Variants in RABGAP1 observed in about 807,000 individuals in gnomAD.
The protein encoded by RABGAP1 is rab GTPase-activating protein 1.
A neutral mutation model predicts 137.6 loss-of-function variants in RABGAP1; 23 were observed. That is an observed-to-expected ratio of 0.17 (90% CI 0.12 to 0.24). The LOEUF is 0.24. Ranked by LOEUF, RABGAP1 falls within the 10% of genes least tolerant of loss-of-function variation. RABGAP1 has a pLI of 1.00. For missense variants in RABGAP1, 906 were observed against 1,275.8 expected (o/e 0.71, Z 4.42); for synonymous variants, 451 against 450.7 (o/e 1.00, Z -0.01).
chr9:123,004,882 C>A (rs1416026081), intron 10 of RABGAP1, among the ~76,000 whole-genome samples: 2 of 151,558 alleles, frequency 1.3e-5, no homozygotes, highest in Non-Finnish European at 2.9e-5. Flanking sequence ...CATGGCGAAA[C>A]CCTGTCTCTA....
intron 13 of RABGAP1, among the ~76,000 whole-genome samples, chr9:123,047,125 G>A (rs2033239993): frequency 6.6e-6 from 1 of 152,176 alleles, no homozygotes; most frequent in African/African-American, 2.4e-5. Flanking sequence ...TTCAGAGTTT[G>A]GTTTGTGTTA....
chr9:123,051,216 GTTTTTTTTTTTTTT>G (rs552457119), intron 13 of RABGAP1, among the ~76,000 whole-genome samples: 420 of 34,276 alleles, frequency 0.012, 85 homozygotes, highest in East Asian at 0.046. Context: ...ATTCACCTTG[GTTTTTTTTTTTTTT>G]TTTTTTTTTT....
intron 1 of RABGAP1, among the ~76,000 whole-genome samples, chr9:122,943,552 A>G (rs1265441522): frequency 6.6e-6 from 1 of 152,192 alleles, no homozygotes; most frequent in Non-Finnish European, 1.5e-5. Flanking sequence ...CCTGTTTCCT[A>G]CCTTTTCTGC....
At chr9:123,088,377 TG>T (rs2034933702) in intron 19 of RABGAP1, among the ~76,000 whole-genome samples, 1 of 151,916 alleles carries the variant, frequency 6.6e-6, no homozygotes, top group South Asian at 2.1e-4. Flanking sequence ...TGCACACATC[TG>T]TTTTTTTTTT....
At chr9:123,084,683 G>T (rs75240868) in intron 19 of RABGAP1, among the ~76,000 whole-genome samples, 1 of 152,274 alleles carries the variant, frequency 6.6e-6, no homozygotes, top group African/African-American at 2.4e-5. Context: ...GATTCAGGAC[G>T]GGATGCCAGG....
chr9:122,985,985 G>C (rs1305938074), intron 3 of RABGAP1, among the ~76,000 whole-genome samples: 3 of 152,152 alleles, frequency 2.0e-5, no homozygotes, highest in African/African-American at 7.2e-5. Flanking sequence ...TCATGTTTCA[G>C]ATTTTTGAAT....
At chr9:122,970,444 T>C (rs142622358) in intron 2 of RABGAP1, among the ~76,000 whole-genome samples, 48 of 152,174 alleles carry the variant, frequency 3.2e-4, no homozygotes, top group African/African-American at 1.1e-3. Flanking sequence ...TACCCTGTCT[T>C]AAAAAAGAAA....
At chr9:122,993,390 A>G (rs1424456806) in intron 6 of RABGAP1, among the ~76,000 whole-genome samples, 7 of 151,478 alleles carry the variant, frequency 4.6e-5, no homozygotes, top group Non-Finnish European at 8.8e-5. Context: ...TACTGCTTCA[A>G]CCTCCCGAGT....
chr9:123,055,735 A>G (rs1483694196), intron 13 of RABGAP1, among the ~76,000 whole-genome samples: 1 of 151,756 alleles, frequency 6.6e-6, no homozygotes, highest in African/African-American at 2.4e-5. Flanking sequence ...TTTTTAGTAG[A>G]GACAGGGTTT....
At chr9:123,087,754 A>C (rs1465758896) in intron 19 of RABGAP1, among the ~76,000 whole-genome samples, 1 of 152,212 alleles carries the variant, frequency 6.6e-6, no homozygotes, top group Non-Finnish European at 1.5e-5. Flanking sequence ...TGATTGAGGC[A>C]GACCTGCAAA....
upstream of RABGAP1, among the ~76,000 whole-genome samples, chr9:122,936,979 T>A (rs564078388): frequency 6.6e-6 from 1 of 152,236 alleles, no homozygotes; most frequent in Admixed American, 6.5e-5. Context: ...GGCAGGAGAA[T>A]CTTATTTTCA....
At chr9:123,065,621 T>C in intron 14 of RABGAP1, 160 bp downstream of exon 14, 1 of 627,418 alleles carries the variant, frequency 1.6e-6, no homozygotes, top group Non-Finnish European at 2.9e-6. Context: ...CAATTTTAGA[T>C]TCATTAAAGA....
At chr9:122,968,456 CAAGT>C (rs1397211043) in intron 2 of RABGAP1, among the ~76,000 whole-genome samples, 1 of 152,072 alleles carries the variant, frequency 6.6e-6, no homozygotes, top group Non-Finnish European at 1.5e-5. Flanking sequence ...TTCGTGGCCT[CAAGT>C]AATCTGCCTG....
chr9:123,066,728 A>G (rs1267869775), intron 14 of RABGAP1, among the ~76,000 whole-genome samples: 3 of 152,240 alleles, frequency 2.0e-5, no homozygotes, highest in Admixed American at 2.0e-4. Flanking sequence ...ACAAATCTAC[A>G]TTAACTCAAG....
intron 2 of RABGAP1, among the ~76,000 whole-genome samples, chr9:122,964,063 T>C (rs902077126): frequency 6.6e-6 from 1 of 152,164 alleles, no homozygotes; most frequent in African/African-American, 2.4e-5. Context: ...ACAAAGAGAT[T>C]GAATTAGTAA....
intron 1 of RABGAP1, among the ~76,000 whole-genome samples, chr9:122,955,163 A>G (rs1310498709): frequency 1.3e-5 from 2 of 152,188 alleles, no homozygotes; most frequent in East Asian, 1.9e-4. Flanking sequence ...TGTGAGGGCA[A>G]ATATCTAAAG....
chr9:123,018,544 C>T (rs1040746473), intron 12 of RABGAP1, among the ~76,000 whole-genome samples: 1 of 152,286 alleles, frequency 6.6e-6, no homozygotes, highest in African/African-American at 2.4e-5. Flanking sequence ...TTTATGAGAA[C>T]AGGTGATAGT....
At position 123,099,505 on chromosome 9, in the gene RABGAP1, G is replaced by T. The variant is rs1478101532; in HGVS notation, c.2845G>T (p.Glu949Ter). ...TTGTTCTCAGTTGAGTGAAAGATTGGAGAAGCAGCAGACAGCCAATAAGGT... is the reference window on the plus strand; with the variant it reads ...TTGTTCTCAGTTGAGTGAAAGATTGTAGAAGCAGCAGACAGCCAATAAGGT... ...QICSQLSERL[E>*]KQQTANKVEI... Residue 949 changes from glutamate to a stop codon, truncating the protein, a stop_gained, in exon 24 of 26, where the codon GAG (glutamate) becomes TAG (stop). Coordinates refer to ENST00000373647, the MANE Select transcript of RABGAP1 (RefSeq NM_012197.4). LOFTEE classifies it high-confidence loss of function. 1 of 1,612,732 alleles carries T rather than the reference G, an allele frequency of 6.2e-7. No homozygotes were observed. The highest frequency in any genetic ancestry group is 8.5e-7 in the Non-Finnish European group (1 of 1,178,912).
At chr9:123,025,618 G>C (rs1424922909) in intron 13 of RABGAP1, among the ~76,000 whole-genome samples, 1 of 107,474 alleles carries the variant, frequency 9.3e-6, no homozygotes, top group Non-Finnish European at 2.0e-5. Context: ...TGTTAAATTG[G>C]TTCCTAAGAA....
Sources: gnomAD v4.1 joint callset for allele counts (sites outside exome capture counted in the v4.1 genomes callset) on GRCh38, gnomAD v4.1.1 for gene constraint, MANE v1.5 for transcripts, NCBI Gene and HGNC (gene_info 2026-07-23, HGNC 2026-07-21) for gene names.